GGACT: variants seen among roughly 807,000 people sequenced by gnomAD.
GGACT encodes gamma-glutamylamine cyclotransferase, also known as gamma-glutamylaminecyclotransferase.
For synonymous variants in GGACT, 118 were observed against 115.3 expected (o/e 1.02, Z -0.15); for missense variants, 241 against 233.2 (o/e 1.03, Z -0.22).
intron 2 of GGACT, chr13:100,538,825 T>C (rs2088522794): frequency 6.6e-6 from 1 of 152,274 alleles, no homozygotes; most frequent in Non-Finnish European, 1.5e-5. Context: ...TATTGACATC[T>C]GAACAATATT....
intron 2 of GGACT, chr13:100,540,179 T>C (rs952695256): frequency 1.2e-4 from 183 of 1,558,752 alleles, no homozygotes; most frequent in Non-Finnish European, 1.5e-4. Context: ...GCACAGTTAG[T>C]GCAGCGAATA....
chr13:100,561,221 A>T (rs1434377579), intron 2 of GGACT, among the ~76,000 whole-genome samples: 2 of 152,180 alleles, frequency 1.3e-5, no homozygotes, highest in African/African-American at 4.8e-5. Flanking sequence ...ACGTTGTGTT[A>T]TATTTCATTT....
At chr13:100,548,856 C>G (rs1476218690) in intron 2 of GGACT, among the ~76,000 whole-genome samples, 1 of 152,262 alleles carries the variant, frequency 6.6e-6, no homozygotes, top group African/African-American at 2.4e-5. Context: ...CCAGGGGACA[C>G]AGGGTCCACA....
chr13:100,552,690 C>T (rs2088675566), intron 2 of GGACT, among the ~76,000 whole-genome samples: 1 of 152,186 alleles, frequency 6.6e-6, no homozygotes, highest in African/African-American at 2.4e-5. Context: ...GCCCAGTGCT[C>T]AGGACGTCCA....
intron 2 of GGACT, among the ~76,000 whole-genome samples, chr13:100,577,111 G>A (rs1049556882): frequency 3.3e-5 from 5 of 152,116 alleles, no homozygotes; most frequent in African/African-American, 1.2e-4. Flanking sequence ...TAAACCAACT[G>A]TACAGACCTT....
chr13:100,536,501 TTGTG>T (rs780471753), intron 2 of GGACT: 11 of 151,780 alleles, frequency 7.2e-5, no homozygotes, highest in South Asian at 6.2e-4. Flanking sequence ...ATTTTTCTTG[TTGTG>T]TGTTTTTTTT....
rs1175706741 is a variant in GGACT, at chr13:100,532,480, C to G, written c.112G>C (p.Glu38Gln). 1.2e-5 allele frequency: 19 copies of G among 1,549,478 alleles called. No individual in the cohort carries two copies. The highest frequency in any genetic ancestry group is 1.7e-5 in the Non-Finnish European group (19 of 1,146,566). The change falls in exon 3 of 3, where the codon GAG becomes CAG. Residue 38 changes from glutamate (E) to glutamine (Q), a missense_variant. By Grantham distance (29) the Glu-to-Gln change is conservative (BLOSUM62 2). Transcript: ENST00000683975. ...AAFRARGRTL[E>Q]PYPLVIAGEH... The stretch of plus-strand genomic sequence containing the variant: ...CCCGCGATCACCAACGGGTAGGGCT[C>G]CAGCGTGCGGCCGCGCGCCCGAAAG...
At chr13:100,532,802 G>A (rs1366444185) in intron 2 of GGACT, among the ~76,000 whole-genome samples, 2 of 152,192 alleles carry the variant, frequency 1.3e-5, no homozygotes, top group Admixed American at 6.5e-5. Context: ...TTTGACTTTC[G>A]GCCATTTAAA....
intron 1 of GGACT, among the ~76,000 whole-genome samples, chr13:100,585,700 G>A (rs1028855243): frequency 2.8e-4 from 42 of 151,422 alleles, no homozygotes; most frequent in African/African-American, 9.0e-4. Flanking sequence ...CCCAGGAGGC[G>A]GAGGTTGCAG....
chr13:100,541,986 AAAACTTC>A (rs1167005531), intron 2 of GGACT, among the ~76,000 whole-genome samples: 1 of 152,240 alleles, frequency 6.6e-6, no homozygotes, highest in Non-Finnish European at 1.5e-5. Context: ...TGTCATAAGA[AAAACTTC>A]ATTACCTTTC....
intron 1 of GGACT, among the ~76,000 whole-genome samples, chr13:100,584,579 CTA>C (rs1265394016): frequency 6.6e-6 from 1 of 151,924 alleles, no homozygotes; most frequent in African/African-American, 2.4e-5. Flanking sequence ...AACAGGGTGA[CTA>C]TAGTCAGTAA....
chr13:100,546,277 G>A (rs993554362), intron 2 of GGACT, among the ~76,000 whole-genome samples: 1 of 151,340 alleles, frequency 6.6e-6, no homozygotes, highest in Non-Finnish European at 1.5e-5. Context: ...CAGGGGAATG[G>A]CGTGAACCCG....
intron 2 of GGACT, among the ~76,000 whole-genome samples, chr13:100,573,248 A>G (rs1328565058): frequency 6.6e-6 from 1 of 152,076 alleles, no homozygotes; most frequent in South Asian, 2.1e-4. Context: ...CAGCAGCTAT[A>G]TTAGTCTGGT....
At chr13:100,542,257 G>T (rs1296727063) in intron 2 of GGACT, among the ~76,000 whole-genome samples, 1 of 152,192 alleles carries the variant, frequency 6.6e-6, no homozygotes, top group African/African-American at 2.4e-5. Flanking sequence ...CAGAGCAGCC[G>T]CTGACCCCCC....
intron 2 of GGACT, among the ~76,000 whole-genome samples, chr13:100,558,426 T>C (rs78371696): frequency 6.6e-6 from 1 of 152,320 alleles, no homozygotes; most frequent in African/African-American, 2.4e-5. Context: ...CTATCATTAG[T>C]TATTAGGGAA....
chr13:100,562,534 G>A (rs1028961473), intron 2 of GGACT, among the ~76,000 whole-genome samples: 2 of 152,238 alleles, frequency 1.3e-5, no homozygotes, highest in South Asian at 2.1e-4. Context: ...GGTGGCTCAC[G>A]CCTGTAATTC....
chr13:100,547,756 T>G (rs1230934787), intron 2 of GGACT, among the ~76,000 whole-genome samples: 10 of 152,138 alleles, frequency 6.6e-5, no homozygotes, highest in African/African-American at 2.4e-4. Context: ...GGCAGCAGGG[T>G]CAAGGTCGAG....
chr13:100,548,901 G>T (rs2088632591), intron 2 of GGACT, among the ~76,000 whole-genome samples: 1 of 152,262 alleles, frequency 6.6e-6, no homozygotes, highest in African/African-American at 2.4e-5. Flanking sequence ...ACCCAACATT[G>T]TGGAGCAGAA....
Position 100,545,386 on chromosome 13 carries a change from G to T in GGACT, c.-10-12785C>A, listed in dbSNP as rs1325388103. Reference sequence around the variant, plus strand: ...CAGGCAAGGGCAGCAGAGCCTTCACGTCCCTTCCTGACCTCCTTCCTGACC... The same window carrying T: ...CAGGCAAGGGCAGCAGAGCCTTCACTTCCCTTCCTGACCTCCTTCCTGACC... On this transcript the variant is annotated intron_variant, in intron 2 of 2. Transcript: ENST00000683975. The surrounding 1 kb of genome is among the most constrained non-coding windows in gnomAD (Gnocchi z 4.4). Among the ~76,000 whole-genome samples, 1 of 152,158 alleles carries T rather than the reference G, an allele frequency of 6.6e-6. No individual in the cohort carries two copies. The highest frequency in any genetic ancestry group is 2.1e-4 in the South Asian group (1 of 4,832).
Sources: gnomAD v4.1 joint callset for allele counts (sites outside exome capture counted in the v4.1 genomes callset) on GRCh38, gnomAD v4.1.1 for gene constraint, Gnocchi (gnomAD v3.1) non-coding constraint, MANE v1.5 for transcripts, NCBI Gene and HGNC (gene_info 2026-07-23, HGNC 2026-07-21) for gene names.